Variants in PCP4 observed in about 807,000 individuals in gnomAD.
PCP4 encodes calmodulin regulator protein PCP4.
A neutral mutation model predicts 10.0 loss-of-function variants in PCP4; 8 were observed. That is an observed-to-expected ratio of 0.80 (90% CI 0.47 to 1.45). PCP4 has a LOEUF of 1.45. PCP4 is among the 40% of genes most tolerant of loss of function. PCP4 has a pLI of 0.00. For synonymous variants in PCP4, 21 were observed against 23.0 expected (o/e 0.91, Z 0.24); for missense variants, 54 against 74.4 (o/e 0.73, Z 1.01).
intron 2 of PCP4, 29 bp from the exon 3 acceptor site, chr21:39,928,955 G>A (rs761061869): frequency 7.5e-6 from 12 of 1,603,534 alleles, no homozygotes; most frequent in Non-Finnish European, 9.4e-6. Context: ...CTCAGTGATT[G>A]CCTTCTGTTT....
intron 1 of PCP4, among the ~76,000 whole-genome samples, chr21:39,870,708 G>A (rs2087315398): frequency 6.6e-6 from 1 of 152,200 alleles, no homozygotes; most frequent in Non-Finnish European, 1.5e-5. Flanking sequence ...ATTTAAAAAC[G>A]TGACGCCCTT....
chr21:39,917,423 CCCTGAG>C (rs1568861184), intron 2 of PCP4, among the ~76,000 whole-genome samples: 3 of 152,204 alleles, frequency 2.0e-5, no homozygotes, highest in Non-Finnish European at 4.4e-5. Flanking sequence ...AGACTTCCAC[CCCTGAG>C]ACATCGGGGA....
rs745733374 is a variant in PCP4, at chr21:39,898,477, G to A, written c.11G>A (p.Arg4Gln). The A allele has an allele frequency of 1.2e-5, 19 of 1,613,486 alleles. No individual in the cohort carries two copies. The highest frequency in any genetic ancestry group is 9.3e-5 in the African/African-American group (7 of 74,884). The change falls in exon 2 of 3, where the codon CGA (arginine) becomes CAA (glutamine). Residue 4 changes from arginine to glutamine, a missense_variant and splice_region_variant. Physicochemically the swap from Arg to Gln is conservative, Grantham distance 43 (BLOSUM62 1). Coordinates refer to ENST00000328619, the MANE Select transcript of PCP4 (RefSeq NM_006198.3). The stretch of plus-strand genomic sequence containing the variant: ...TTTTCTTTTATTTTTTGCCTTTAGC[G>A]ACAAGGTGCTGGGGCAACCAATGGA... MSERQGAGATNGKD... is the reference protein window; with the variant it reads MSEQQGAGATNGKD...
chr21:39,909,917 A>T (rs2299778), intron 2 of PCP4, among the ~76,000 whole-genome samples: 23,069 of 150,568 alleles, frequency 0.15, 1,910 homozygotes, highest in East Asian at 0.35. Flanking sequence ...TGCCTCAGCC[A>T]CCCGAGTAGC....
At chr21:39,901,788 A>C (rs1040826986) in intron 2 of PCP4, among the ~76,000 whole-genome samples, 2 of 152,222 alleles carry the variant, frequency 1.3e-5, no homozygotes, top group Admixed American at 1.3e-4. Context: ...AACATGCTAT[A>C]CTTTAATTTC....
intron 2 of PCP4, among the ~76,000 whole-genome samples, chr21:39,902,439 C>T (rs1041985569): frequency 6.6e-6 from 1 of 152,190 alleles, no homozygotes; most frequent in Non-Finnish European, 1.5e-5. Context: ...TATTTAGATT[C>T]CTGGGCTTTG....
chr21:39,869,363 T>A (rs947979700), intron 1 of PCP4, among the ~76,000 whole-genome samples: 2 of 152,236 alleles, frequency 1.3e-5, no homozygotes, highest in Non-Finnish European at 2.9e-5. Flanking sequence ...TGGTTCCTGC[T>A]GAACGGGTAA....
chr21:39,893,034 C>CGGG (rs1316739129), intron 1 of PCP4, among the ~76,000 whole-genome samples: 1 of 152,108 alleles, frequency 6.6e-6, no homozygotes, highest in Admixed American at 6.6e-5. Flanking sequence ...GGTTACCCTC[C>CGGG]GGGGCTGGGA....
At chr21:39,896,392 AT>A (rs1473630879) in intron 1 of PCP4, among the ~76,000 whole-genome samples, 2 of 152,180 alleles carry the variant, frequency 1.3e-5, no homozygotes, top group Non-Finnish European at 2.9e-5. Flanking sequence ...TCCATCTCGG[AT>A]TTGGTCCAAC....
At chr21:39,927,326 T>C (rs1179642107) in intron 2 of PCP4, among the ~76,000 whole-genome samples, 1 of 83,496 alleles carries the variant, frequency 1.2e-5, no homozygotes, top group Admixed American at 1.2e-4. Flanking sequence ...ATCTATCATC[T>C]ATCTATCTAT....
intron 2 of PCP4, among the ~76,000 whole-genome samples, chr21:39,926,454 A>G (rs2087621619): frequency 6.6e-6 from 1 of 150,654 alleles, no homozygotes; most frequent in Admixed American, 6.7e-5. Flanking sequence ...AGATTCCAGC[A>G]ACATTTTACA....
chr21:39,902,780 AT>A (rs2087487356), intron 2 of PCP4, among the ~76,000 whole-genome samples: 1 of 151,958 alleles, frequency 6.6e-6, no homozygotes, highest in Non-Finnish European at 1.5e-5. Flanking sequence ...AGGTTCAGAG[AT>A]TTTTCATTCC....
intron 1 of PCP4, among the ~76,000 whole-genome samples, chr21:39,893,172 A>G (rs1006891): frequency 0.74 from 112,074 of 152,084 alleles, 42,432 homozygotes; most frequent in African/African-American, 0.92. Context: ...TAATAAAACC[A>G]TAGTGCAACC....
intron 1 of PCP4, among the ~76,000 whole-genome samples, chr21:39,880,517 A>C (rs1385242616): frequency 1.3e-5 from 2 of 152,140 alleles, no homozygotes; most frequent in African/African-American, 4.8e-5. Context: ...ATATGTTTAA[A>C]GGCCATATAA....
chr21:39,890,351 G>A (rs918454800), intron 1 of PCP4, among the ~76,000 whole-genome samples: 12 of 152,100 alleles, frequency 7.9e-5, no homozygotes, highest in East Asian at 7.7e-4. Flanking sequence ...TTAATATTTC[G>A]TTATCTATTT....
intron 1 of PCP4, among the ~76,000 whole-genome samples, chr21:39,876,934 G>A (rs76485074): frequency 5.3e-5 from 8 of 152,098 alleles, no homozygotes; most frequent in Admixed American, 1.3e-4. Flanking sequence ...AAAGGCTGTC[G>A]TTTTTATAGT....
chr21:39,875,350 C>G (rs1165918990), intron 1 of PCP4, among the ~76,000 whole-genome samples: 1 of 151,878 alleles, frequency 6.6e-6, no homozygotes, highest in Admixed American at 6.6e-5. Flanking sequence ...ATCCTGGGTG[C>G]TGGTCTCCTC....
At chr21:39,921,831 G>A (rs1675683886) in intron 2 of PCP4, among the ~76,000 whole-genome samples, 1 of 152,146 alleles carries the variant, frequency 6.6e-6, no homozygotes. Context: ...TCTAGTCTCT[G>A]GTATTTTGTT....
chr21:39,868,213 A>G (rs557185209), intron 1 of PCP4, among the ~76,000 whole-genome samples: 87 of 152,322 alleles, frequency 5.7e-4, no homozygotes, highest in Non-Finnish European at 1.0e-3. Flanking sequence ...TTTCTCATCT[A>G]TGAAGCAGAT....
Sources: allele counts gnomAD v4.1 joint callset (sites outside exome capture counted in the v4.1 genomes callset), GRCh38; gene constraint gnomAD v4.1.1; transcripts MANE v1.5; gene names NCBI Gene and HGNC (gene_info 2026-07-23, HGNC 2026-07-21).